Variants in UBE2W observed in about 807,000 individuals in gnomAD.
UBE2W encodes ubiquitin conjugating enzyme E2 W, also known as ubiquitin-conjugating enzyme E2 W.
Under a neutral mutation model 27.2 loss-of-function variants are expected in UBE2W, and 18 were observed. The ratio of observed to expected loss-of-function variants is 0.66; its 90% CI spans 0.46 to 0.98. The LOEUF (loss-of-function observed/expected upper bound fraction) is 0.98. UBE2W is among the 50% of genes least tolerant of loss of function. UBE2W has a pLI of 0.00. For missense variants in UBE2W, 90 were observed against 180.2 expected (o/e 0.50, Z 2.87); for synonymous variants, 53 against 57.2 (o/e 0.93, Z 0.33).
chr8:73,839,350 A>T (rs1048578127), intron 1 of UBE2W, among the ~76,000 whole-genome samples: 3 of 125,722 alleles, frequency 2.4e-5, no homozygotes, highest in African/African-American at 1.6e-4. Context: ...TCCTAGTTAA[A>T]AAAAAAAAAA....
intron 1 of UBE2W, among the ~76,000 whole-genome samples, chr8:73,870,054 T>G (rs1563637722): frequency 6.6e-6 from 1 of 152,122 alleles, no homozygotes; most frequent in Non-Finnish European, 1.5e-5. Flanking sequence ...TCTGGGGTGA[T>G]GAAAATGTTC....
At chr8:73,824,291 C>G (rs755745332) in intron 3 of UBE2W, among the ~76,000 whole-genome samples, 15 of 152,210 alleles carry the variant, frequency 9.9e-5, no homozygotes, top group Non-Finnish European at 2.1e-4. Context: ...TATCCCTTGT[C>G]TAAGTATTAA....
At chr8:73,854,612 CAGAT>C (rs1360088673) in intron 1 of UBE2W, among the ~76,000 whole-genome samples, 6 of 152,184 alleles carry the variant, frequency 3.9e-5, no homozygotes, top group Non-Finnish European at 8.8e-5. Context: ...AAACTCATCT[CAGAT>C]GGATAAAATT....
intron 1 of UBE2W, among the ~76,000 whole-genome samples, chr8:73,865,369 T>C (rs368474146): frequency 6.7e-6 from 1 of 149,890 alleles, no homozygotes; most frequent in African/African-American, 2.5e-5. Flanking sequence ...CCCCAGCACT[T>C]TGGGAGGCTG....
intron 2 of UBE2W, among the ~76,000 whole-genome samples, chr8:73,828,349 TTATAAC>T (rs148116446): frequency 0.036 from 5,454 of 152,270 alleles, 122 homozygotes; most frequent in Middle Eastern, 0.085. Flanking sequence ...TCAAAGGTAA[TTATAAC>T]TATACAAAAT....
At position 73,808,177 on chromosome 8, in the gene UBE2W, C is replaced by T. The variant is rs534055996; in HGVS notation, c.366+2297G>A. ...AAAGCCCATAGAACCATGTCCACTA[C>T]GGAATAAAATTTACCCGTTTTAATA... On this transcript the variant is annotated intron_variant, in intron 4 of 5. Transcript: ENST00000602593. Among the ~76,000 whole-genome samples the T allele has an allele frequency of 2.5e-3, 374 of 152,228 alleles. 2 individuals carry two copies. Among genetic ancestry groups the T allele is most frequent in the African/African-American group, 8.5e-3 (351 of 41,522 alleles).
At chr8:73,805,472 C>CAAAAAAAAACAAAAAACAAAAAAAA in intron 5 of UBE2W, among the ~76,000 whole-genome samples, 179 bp downstream of exon 5, 1 of 43,676 alleles carries the variant, frequency 2.3e-5, no homozygotes, top group South Asian at 9.2e-4. Flanking sequence ...AAAAAAAAAA[C>CAAAAAAAAACAAAAAACAAAAAAAA]AAAAAAAACT....
At chr8:73,805,472 C>CAAACAACAAAAA (rs1254739442) in intron 5 of UBE2W, among the ~76,000 whole-genome samples, 179 bp downstream of exon 5, 2 of 43,674 alleles carry the variant, frequency 4.6e-5, no homozygotes, top group Non-Finnish European at 9.9e-5. Flanking sequence ...AAAAAAAAAA[C>CAAACAACAAAAA]AAAAAAAACT....
intron 5 of UBE2W, among the ~76,000 whole-genome samples, chr8:73,795,111 T>C (rs1184430984): frequency 6.6e-6 from 1 of 152,164 alleles, no homozygotes; most frequent in African/African-American, 2.4e-5. Context: ...CTAAGACTGG[T>C]GGCCAAGAGT....
chr8:73,854,605 C>G (rs1015381494), intron 1 of UBE2W, among the ~76,000 whole-genome samples: 1 of 152,178 alleles, frequency 6.6e-6, no homozygotes, highest in African/African-American at 2.4e-5. Context: ...TTCTAATAAA[C>G]TCATCTCAGA....
chr8:73,876,400 T>A (rs1039485024), intron 1 of UBE2W, among the ~76,000 whole-genome samples: 3 of 152,278 alleles, frequency 2.0e-5, no homozygotes, highest in South Asian at 4.1e-4. Context: ...AAGCTTGACA[T>A]ATATATTAAA....
Position 73,873,484 on chromosome 8 carries a change from C to A in UBE2W, c.15+5324G>T, listed in dbSNP as rs143222432. Among the ~76,000 whole-genome samples the A allele has an allele frequency of 5.6e-4, 85 of 152,168 alleles. 1 individual carries two copies. In the East Asian group the frequency reaches 0.015, roughly 27 times the overall value. ...GCCAACTTGAGCAACAGGGAAAAAA[C>A]CCATCTCTACAAAAAATAAAAAAAT... is the stretch of plus-strand genomic sequence containing the variant. On this transcript the variant is annotated intron_variant, in intron 1 of 5. Transcript: ENST00000602593.
At chr8:73,872,444 G>A (rs1318695192) in intron 1 of UBE2W, among the ~76,000 whole-genome samples, 4 of 152,056 alleles carry the variant, frequency 2.6e-5, no homozygotes, top group Non-Finnish European at 5.9e-5. Context: ...TGCTGCATGC[G>A]TTTGCCATAA....
chr8:73,791,349 A>C lies in UBE2W; in HGVS notation c.*2753T>G, dbSNP rs1405962394. 1.0e-6 allele frequency: 1 copy of C among 984,920 alleles called. No homozygotes were observed. The highest frequency in any genetic ancestry group is 1.2e-6 in the Non-Finnish European group (1 of 829,728). The allele number at this position is 984,920 out of a possible 1,614,324, so 61.0% of individuals were successfully genotyped here. A position where few individuals can be genotyped will look rare whatever the true frequency, so the allele number is the denominator to read the frequency against. ...AGCAAATGTATCACTGTCTTAATAG[A>C]ATTTGGCAAACCAGAAGAATGGCCT... On this transcript the variant is annotated 3_prime_UTR_variant, in exon 6 of 6. Coordinates refer to ENST00000602593, the MANE Select transcript of UBE2W (RefSeq NM_018299.6).
chr8:73,798,929 G>T (rs1274862585), intron 5 of UBE2W, among the ~76,000 whole-genome samples: 1 of 140,712 alleles, frequency 7.1e-6, no homozygotes, highest in Non-Finnish European at 1.5e-5. Context: ...GGTTAGGCTT[G>T]TTTTTTTTTT....
chr8:73,830,571 A>C, intron 1 of UBE2W, 99 bp from the exon 2 acceptor site: 1 of 871,728 alleles, frequency 1.1e-6, no homozygotes, highest in South Asian at 1.5e-5. Flanking sequence ...CCACATCCTC[A>C]AACTCCTGGG....
chr8:73,791,437 C>CT lies in UBE2W; in HGVS notation c.*2664dup. On this transcript the variant is annotated 3_prime_UTR_variant, in exon 6 of 6. Transcript: ENST00000602593. Reference sequence around the variant, plus strand: ...TACCTTATCTTCTAAGTATGAAAGTCTAATTCTGTAGGCCTATGTCGCAAA... The same window carrying CT: ...TACCTTATCTTCTAAGTATGAAAGTCTTAATTCTGTAGGCCTATGTCGCAAA... 1.0e-6 allele frequency: 1 copy of CT among 985,102 alleles called. No individual in the cohort carries two copies. Among genetic ancestry groups the CT allele is most frequent in the Non-Finnish European group, 1.2e-6 (1 of 829,762 alleles). 61.0% of individuals were successfully genotyped at this position (985,102 alleles called of 1,614,324 possible). A position where few individuals can be genotyped will look rare whatever the true frequency, so the allele number is the denominator to read the frequency against.
intron 1 of UBE2W, among the ~76,000 whole-genome samples, chr8:73,867,713 GAAAA>G (rs71269960): frequency 7.8e-6 from 1 of 128,692 alleles, no homozygotes; most frequent in Non-Finnish European, 1.6e-5. Context: ...CTCTGTCTCA[GAAAA>G]AAAAAAAAAA....
intron 5 of UBE2W, among the ~76,000 whole-genome samples, chr8:73,802,402 TTTA>T (rs1808682832): frequency 6.6e-6 from 1 of 152,236 alleles, no homozygotes; most frequent in South Asian, 2.1e-4. Flanking sequence ...TCATAAACGG[TTTA>T]TTTTTAATAA....
Sources: allele counts gnomAD v4.1 joint callset (sites outside exome capture counted in the v4.1 genomes callset), GRCh38; gene constraint gnomAD v4.1.1; transcripts MANE v1.5; gene names NCBI Gene and HGNC (gene_info 2026-07-23, HGNC 2026-07-21).